Variants in TPRG1 observed in about 807,000 individuals in gnomAD.
TPRG1 encodes tumor protein p63-regulated gene 1 protein.
Under a neutral mutation model 29.3 loss-of-function variants are expected in TPRG1, and 29 were observed. That is an observed-to-expected ratio of 0.99 (90% CI 0.74 to 1.35). The LOEUF is 1.35. Among genes scored for constraint, TPRG1 ranks in the 40% most tolerant of loss-of-function variants. TPRG1 has a pLI of 0.00. For synonymous variants in TPRG1, 130 were observed against 116.8 expected (o/e 1.11, Z -0.73); for missense variants, 327 against 335.0 (o/e 0.98, Z 0.19).
At chr3:189,049,556 C>A (rs1435569701) in intron 4 of TPRG1, among the ~76,000 whole-genome samples, 1 of 152,176 alleles carries the variant, frequency 6.6e-6, no homozygotes, top group Non-Finnish European at 1.5e-5. Flanking sequence ...CGGTCCTTCC[C>A]TATCCACACA....
At chr3:189,267,111 A>G (rs1714239463) in intron 4 of TPRG1, among the ~76,000 whole-genome samples, 1 of 152,184 alleles carries the variant, frequency 6.6e-6, no homozygotes, top group Admixed American at 6.5e-5. Context: ...ACTGTACCCT[A>G]TGTTTAGATG....
At chr3:189,189,739 C>G (rs1206562809) in intron 1 of TPRG1, among the ~76,000 whole-genome samples, 2 of 152,150 alleles carry the variant, frequency 1.3e-5, no homozygotes, top group Non-Finnish European at 2.9e-5. Context: ...TGAGGCCTCT[C>G]CTAAATTGAA....
chr3:189,242,445 A>G (rs1290792078), intron 4 of TPRG1, among the ~76,000 whole-genome samples: 1 of 152,122 alleles, frequency 6.6e-6, no homozygotes, highest in Non-Finnish European at 1.5e-5. Flanking sequence ...ATATTAAGTC[A>G]GTTCTTCATT....
chr3:189,303,838 A>G (rs565762434), intron 4 of TPRG1, among the ~76,000 whole-genome samples: 1 of 152,328 alleles, frequency 6.6e-6, no homozygotes, highest in Non-Finnish European at 1.5e-5. Flanking sequence ...AGCCATGAAC[A>G]TGACCACCTC....
chr3:189,099,798 C>T (rs567560077), upstream of TPRG1, among the ~76,000 whole-genome samples: 2 of 152,290 alleles, frequency 1.3e-5, no homozygotes, highest in South Asian at 4.1e-4. Flanking sequence ...TGTCCCTTTC[C>T]ATCCTGCTGA....
chr3:189,226,198 A>C (rs776167339), intron 3 of TPRG1, among the ~76,000 whole-genome samples: 1 of 152,228 alleles, frequency 6.6e-6, no homozygotes, highest in Non-Finnish European at 1.5e-5. Context: ...AGCAGAATGC[A>C]CATTCTTTTT....
chr3:189,012,518 G>T (rs1046753520), intron 3 of TPRG1, among the ~76,000 whole-genome samples: 1 of 151,864 alleles, frequency 6.6e-6, no homozygotes, highest in East Asian at 1.9e-4. Flanking sequence ...TGCTGGATTT[G>T]GTTTTGCCAG....
intron 1 of TPRG1, among the ~76,000 whole-genome samples, chr3:189,181,622 C>T (rs530039341): frequency 1.3e-5 from 2 of 152,268 alleles, no homozygotes; most frequent in South Asian, 4.1e-4. Context: ...CCTTATTGTT[C>T]ATATTATTAT....
intron 4 of TPRG1, among the ~76,000 whole-genome samples, chr3:189,269,718 A>AT (rs1714746433): frequency 6.6e-6 from 1 of 152,156 alleles, no homozygotes; most frequent in Non-Finnish European, 1.5e-5. Flanking sequence ...GCTACAAGGG[A>AT]TTTTTCAGCG....
intron 4 of TPRG1, among the ~76,000 whole-genome samples, chr3:189,243,554 T>C (rs563474682): frequency 6.6e-6 from 1 of 152,340 alleles, no homozygotes; most frequent in Non-Finnish European, 1.5e-5. Context: ...GCTTTTTTTT[T>C]TCCTACCATA....
chr3:189,000,614 GCT>G (rs1560386475), intron 1 of TPRG1, among the ~76,000 whole-genome samples: 1 of 151,902 alleles, frequency 6.6e-6, no homozygotes, highest in Non-Finnish European at 1.5e-5. Context: ...CATGTGTGTG[GCT>G]CTGTTTTTGA....
chr3:189,169,427 A>G (rs891947464), upstream of TPRG1, among the ~76,000 whole-genome samples: 3 of 152,166 alleles, frequency 2.0e-5, no homozygotes, highest in Non-Finnish European at 2.9e-5. Context: ...GGCCTCCCAA[A>G]GTGCTGGGAT....
At chr3:189,127,089 C>T (rs1722581234) in exon 2 of TPRG1, 1 of 152,208 alleles carries the variant, frequency 6.6e-6, no homozygotes, top group South Asian at 2.1e-4. Flanking sequence ...TGCAAAAAGA[C>T]ACCCAGAGAT....
upstream of TPRG1, among the ~76,000 whole-genome samples, chr3:189,095,776 T>C (rs1311876170): frequency 6.6e-6 from 1 of 152,176 alleles, no homozygotes; most frequent in African/African-American, 2.4e-5. Flanking sequence ...GTACATTGAG[T>C]GATGAACCTC....
At chr3:189,312,175 TTCTTTCTTTTTTTC>T (rs1722745099) in intron 5 of TPRG1, among the ~76,000 whole-genome samples, 1 of 65,456 alleles carries the variant, frequency 1.5e-5, no homozygotes, top group Non-Finnish European at 2.9e-5. Flanking sequence ...CTTTCTTTCT[TTCTTTCTTTTTTTC>T]TTTCTTTCTT....
intron 4 of TPRG1, among the ~76,000 whole-genome samples, chr3:189,245,291 T>G (rs1216614467): frequency 6.6e-6 from 1 of 152,164 alleles, no homozygotes; most frequent in Non-Finnish European, 1.5e-5. Flanking sequence ...TTTAACTTCT[T>G]GAAGTGCAGC....
intron 4 of TPRG1, among the ~76,000 whole-genome samples, chr3:189,079,938 T>C (rs1424684907): frequency 6.6e-6 from 1 of 152,230 alleles, no homozygotes; most frequent in African/African-American, 2.4e-5. Context: ...AGATAATAAA[T>C]GCTTTGTACC....
chr3:189,065,530 A>G (rs1716380269), intron 4 of TPRG1, among the ~76,000 whole-genome samples: 1 of 152,120 alleles, frequency 6.6e-6, no homozygotes, highest in South Asian at 2.1e-4. Context: ...AAAATCATTC[A>G]TGTAATATAC....
At chr3:189,250,505 C>CCCT (rs1553931520) in intron 4 of TPRG1, among the ~76,000 whole-genome samples, 1 of 17,750 alleles carries the variant, frequency 5.6e-5, no homozygotes, top group Non-Finnish European at 1.2e-4. Flanking sequence ...CTGATTTCCG[C>CCCT]CCCCCCCCCC....
Sources: allele counts gnomAD v4.1 joint callset (sites outside exome capture counted in the v4.1 genomes callset), GRCh38; gene constraint gnomAD v4.1.1; transcripts MANE v1.5; gene names NCBI Gene and HGNC (gene_info 2026-07-23, HGNC 2026-07-21).